KCTD19: variants seen among roughly 807,000 people sequenced by gnomAD.
The protein encoded by KCTD19 is potassium channel tetramerization domain containing 19.
A neutral mutation model predicts 103.5 loss-of-function variants in KCTD19; 67 were observed. The observed-to-expected ratio is 0.65, with a 90% CI of 0.53 to 0.79. The LOEUF is 0.79. Ranked by LOEUF, KCTD19 falls within the 30% of genes least tolerant of loss-of-function variation. The pLI is 0.00. For missense variants in KCTD19, 980 were observed against 1,136.1 expected (o/e 0.86, Z 1.98); for synonymous variants, 439 against 452.2 (o/e 0.97, Z 0.37).
intron 2 of KCTD19, among the ~76,000 whole-genome samples, chr16:67,313,670 C>T (rs1320142717): frequency 1.3e-5 from 2 of 152,006 alleles, no homozygotes; most frequent in Non-Finnish European, 2.9e-5. Context: ...CTCACTGCAA[C>T]CTCCGCCTCC....
Position 67,312,735 on chromosome 16 carries a change from A to C in KCTD19, c.300+7854T>G, listed in dbSNP as rs1310925697. Reference sequence around the variant, plus strand: ...ACAAAGGAGTTGTCCATTCTCTCTCACCCTACATTCAATTCATCAGCAAAC... The same window carrying C: ...ACAAAGGAGTTGTCCATTCTCTCTCCCCCTACATTCAATTCATCAGCAAAC... On this transcript the variant is annotated intron_variant, in intron 2 of 15. Coordinates refer to ENST00000304372, the MANE Select transcript of KCTD19 (RefSeq NM_001100915.3). 2.0e-5 allele frequency among the ~76,000 whole-genome samples: 3 copies of C among 152,072 alleles called. No individual in the cohort carries two copies. In the East Asian group the frequency reaches 5.8e-4, roughly 29 times the overall value.
intron 8 of KCTD19, 105 bp downstream of exon 8, chr16:67,296,054 G>A: frequency 1.3e-6 from 1 of 761,600 alleles, no homozygotes; most frequent in Admixed American, 1.8e-5. Flanking sequence ...GAAAGCCTTT[G>A]TTCTAAGCAA....
At chr16:67,314,826 TATATAGAGAGAGAGAGAG>T (rs1485619657) in intron 2 of KCTD19, among the ~76,000 whole-genome samples, 1 of 55,320 alleles carries the variant, frequency 1.8e-5, no homozygotes. Flanking sequence ...TATATATATA[TATATAGAGAGAGAGAGAG>T]AGAGAGAGAG....
chr16:67,291,453 G>C lies in KCTD19; in HGVS notation c.2421C>G (p.Phe807Leu), dbSNP rs199535652. ...CTTCCCAGGACAGAGAGAAACTCAG[G>C]AAAGTCACTTCTGTGGAGGAGGGAA... Reference protein sequence around the residue: ...TASPQPQEVTFLSFSLSWEEM... With the variant: ...TASPQPQEVTLLSFSLSWEEM... Residue 807 changes from phenylalanine (F) to leucine (L), a missense_variant, in exon 14 of 16, where the codon TTC (phenylalanine) becomes TTG (leucine). By Grantham distance (22) the Phe-to-Leu change is conservative. Transcript: ENST00000304372. The C allele has an allele frequency of 1.4e-4, 224 of 1,613,806 alleles. No homozygotes were observed. Among genetic ancestry groups the C allele is most frequent in the Non-Finnish European group, 1.8e-4 (216 of 1,179,874 alleles).
chr16:67,298,108 C>T (rs1192295736), intron 6 of KCTD19, among the ~76,000 whole-genome samples: 1 of 151,822 alleles, frequency 6.6e-6, no homozygotes, highest in Non-Finnish European at 1.5e-5. Context: ...ATTCTCCTAC[C>T]TCAGCCTCCT....
At chr16:67,318,210 A>G (rs1030157955) in intron 2 of KCTD19, among the ~76,000 whole-genome samples, 20 of 152,160 alleles carry the variant, frequency 1.3e-4, no homozygotes, top group African/African-American at 4.8e-4. Flanking sequence ...TCCTCACACA[A>G]TGTGGAACTT....
intron 2 of KCTD19, among the ~76,000 whole-genome samples, chr16:67,319,904 C>T (rs1269934465): frequency 1.3e-5 from 2 of 151,876 alleles, no homozygotes; most frequent in East Asian, 3.9e-4. Flanking sequence ...AAATCTCAGA[C>T]ATGATGTACA....
intron 2 of KCTD19, among the ~76,000 whole-genome samples, chr16:67,318,287 C>T (rs1420129339): frequency 5.3e-5 from 8 of 152,098 alleles, no homozygotes; most frequent in African/African-American, 2.4e-5. Flanking sequence ...TGTGGCTGGG[C>T]GCGGTGGCTC....
Position 67,316,097 on chromosome 16 carries a change from A to C in KCTD19, c.300+4492T>G, listed in dbSNP as rs974920246. Among the ~76,000 whole-genome samples, 6 of 152,350 alleles carry C rather than the reference A, an allele frequency of 3.9e-5. No homozygotes were observed. In the South Asian group the frequency reaches 6.2e-4, roughly 16 times the overall value. ...AGCTCTGTCACCCTGGCCGAAGTGC[A>C]GTGGTGCAAATATGGCTCACTGTGG... On this transcript the variant is annotated intron_variant, in intron 2 of 15. Coordinates refer to ENST00000304372, the MANE Select transcript of KCTD19 (RefSeq NM_001100915.3).
chr16:67,297,681 C>CTGT lies in KCTD19; in HGVS notation c.987-21_987-19dup. 1.9e-6 allele frequency: 3 copies of CTGT among 1,612,304 alleles called. No homozygotes were observed. Among genetic ancestry groups the CTGT allele is most frequent in the Non-Finnish European group, 2.5e-6 (3 of 1,179,550 alleles). On this transcript the variant is annotated intron_variant, in intron 6 of 15. Transcript: ENST00000304372. ...GCCAGTTCCTGCCCAGAGGAAAGGT[C>CTGT]TGTCATGAAGAACATCAGCATTGTA...
At position 67,320,159 on chromosome 16, in the gene KCTD19, G is replaced by A. The variant is rs2037056383; in HGVS notation, c.300+430C>T. On this transcript the variant is annotated intron_variant, in intron 2 of 15. Transcript: ENST00000304372. This position sits in a 1 kb window ranked among gnomAD's most constrained non-coding sequence, Gnocchi z 4.0. ...AATCCCAGCTCTTAGGGAGGCTGAG[G>A]GAGCACTTAGGGAGGCCAATTAGAG... Among the ~76,000 whole-genome samples the A allele has an allele frequency of 6.6e-6, 1 of 152,078 alleles. No individual in the cohort carries two copies. Among genetic ancestry groups the A allele is most frequent in the Non-Finnish European group, 1.5e-5 (1 of 68,002 alleles).
chr16:67,291,207 A>G, intron 14 of KCTD19, 102 bp downstream of exon 14: 1 of 1,428,556 alleles, frequency 7.0e-7, no homozygotes, highest in Non-Finnish European at 9.5e-7. Context: ...CCTTAACCCC[A>G]TCTTGGCTTA....
chr16:67,299,712 T>G (rs986936535), intron 5 of KCTD19, 139 bp from the exon 6 acceptor site: 5 of 639,768 alleles, frequency 7.8e-6, no homozygotes, highest in African/African-American at 7.3e-5. Context: ...ACAGTCCAAA[T>G]CAAGATCTTC....
At position 67,299,215 on chromosome 16, in the gene KCTD19, G is replaced by A. The variant is rs536847626; in HGVS notation, c.986+148C>T. 44 of 720,578 alleles carry A rather than the reference G, an allele frequency of 6.1e-5. No individual in the cohort carries two copies. The Admixed American group carries it at 7.4e-4, about 12-fold the overall frequency. The allele number at this position is 720,578 out of a possible 1,614,324, so 44.6% of individuals were successfully genotyped here. ...GGCCCTAACCTGGTGGTAGTGTGGC[G>A]GTGCTGGTGATGGTAATGGCTAAAA... On this transcript the variant is annotated intron_variant, in intron 6 of 15. Transcript: ENST00000304372.
intron 6 of KCTD19, 25 bp downstream of exon 6, chr16:67,299,338 C>T: frequency 1.2e-6 from 2 of 1,606,782 alleles, no homozygotes; most frequent in South Asian, 1.1e-5. Context: ...TGATGGGACT[C>T]AGTGTGCCCT....
intron 2 of KCTD19, chr16:67,305,630 CATA>C: frequency 2.2e-6 from 1 of 455,548 alleles, no homozygotes; most frequent in Non-Finnish European, 4.4e-6. Context: ...GGCAGATTAT[CATA>C]ACATCAGCAC....
chr16:67,314,669 C>T (rs755710750), intron 2 of KCTD19, among the ~76,000 whole-genome samples: 3 of 151,714 alleles, frequency 2.0e-5, no homozygotes, highest in Non-Finnish European at 4.4e-5. Flanking sequence ...CCACCCACCT[C>T]GGCCTCCCAA....
At chr16:67,290,181 T>C (rs1317291908) in intron 15 of KCTD19, among the ~76,000 whole-genome samples, 1 of 134,792 alleles carries the variant, frequency 7.4e-6, no homozygotes, top group Non-Finnish European at 1.6e-5. Flanking sequence ...TTTTTTTTTT[T>C]TTTTTTTTTT....
intron 15 of KCTD19, among the ~76,000 whole-genome samples, chr16:67,290,524 T>G (rs1015518759): frequency 1.3e-5 from 2 of 152,150 alleles, no homozygotes; most frequent in African/African-American, 2.4e-5. Context: ...TGTACACAAT[T>G]GGTGACATCG....
Sources: gnomAD v4.1 joint callset for allele counts (sites outside exome capture counted in the v4.1 genomes callset) on GRCh38, gnomAD v4.1.1 for gene constraint, Gnocchi (gnomAD v3.1) non-coding constraint, MANE v1.5 for transcripts, NCBI Gene and HGNC (gene_info 2026-07-23, HGNC 2026-07-21) for gene names.